KIFC3: variants seen among roughly 807,000 people sequenced by gnomAD.
The protein encoded by KIFC3 is kinesin-like protein KIFC3.
Under a neutral mutation model 101.8 loss-of-function variants are expected in KIFC3, and 60 were observed. That is an observed-to-expected ratio of 0.59 (90% CI 0.48 to 0.73). The LOEUF (loss-of-function observed/expected upper bound fraction) is 0.73, where lower values mean the gene tolerates loss of function less well. KIFC3 is among the 30% of genes least tolerant of loss of function. KIFC3 has a pLI of 0.00. For synonymous variants in KIFC3, 476 were observed against 482.7 expected (o/e 0.99, Z 0.18); for missense variants, 966 against 1,137.1 (o/e 0.85, Z 2.16).
At chr16:57,803,629 C>T (rs2054859946), upstream of KIFC3, among the ~76,000 whole-genome samples, 1 of 152,230 alleles carries the variant, frequency 6.6e-6, no homozygotes, top group Non-Finnish European at 1.5e-5. Flanking sequence ...AGCCAAGGGC[C>T]TGGGCCTCAG....
rs560838453 is a variant in KIFC3 at position 57,801,815 on chromosome 16, C to T, written c.-40+555G>A. Among the ~76,000 whole-genome samples, 10 of 152,394 alleles carry T rather than the reference C, an allele frequency of 6.6e-5. No individual in the cohort carries two copies. In the South Asian group the frequency reaches 2.1e-3, roughly 32 times the overall value. On this transcript the variant is annotated intron_variant, in intron 1 of 19. Coordinates refer to ENST00000445690, the MANE Select transcript of KIFC3 (RefSeq NM_001130100.2). ...GGGCTTAAAGGGGTGGTCCTGGGAT[C>T]GCCCTCCCTGCTGAGACCCTCACAA...
chr16:57,782,219 T>C (rs1375981902), intron 3 of KIFC3: 17 of 874,710 alleles, frequency 1.9e-5, no homozygotes, highest in Non-Finnish European at 2.3e-5. Flanking sequence ...CAAACTGCAA[T>C]GCGACATTTG....
At chr16:57,775,442 AG>A in intron 3 of KIFC3, 1 of 1,012,234 alleles carries the variant, frequency 9.9e-7, no homozygotes, top group Non-Finnish European at 1.2e-6. Flanking sequence ...TCGGGCTTGT[AG>A]GGAAGATGTC....
At chr16:57,789,268 C>T (rs1490691108) in intron 3 of KIFC3, among the ~76,000 whole-genome samples, 5 of 152,218 alleles carry the variant, frequency 3.3e-5, no homozygotes, top group African/African-American at 1.2e-4. Flanking sequence ...ACAGGGCTAT[C>T]GAGAGGCCAT....
At position 57,761,366 on chromosome 16, in the gene KIFC3, G is replaced by T. The variant is rs1314268047; in HGVS notation, c.1872+47C>A. 4 of 1,612,434 alleles carry T rather than the reference G, an allele frequency of 2.5e-6. No homozygotes were observed. The South Asian group carries it at 4.4e-5, about 18-fold the overall frequency. ...AGAGCCTACATTCAAACCCAGTTGT[G>T]TCCTCTAGAGCAGTGTGGCTGTGGT... On this transcript the variant is annotated intron_variant, in intron 14 of 19. Coordinates refer to ENST00000445690, the MANE Select transcript of KIFC3 (RefSeq NM_001130100.2).
At chr16:57,814,590 A>G (rs979725421) in intron 1 of KIFC3, among the ~76,000 whole-genome samples, 51 of 152,068 alleles carry the variant, frequency 3.4e-4, no homozygotes, top group Non-Finnish European at 2.8e-4. Context: ...AGATGAAGAA[A>G]CTGTCACTGT....
chr16:57,833,606 C>T (rs1254741923), intron 1 of KIFC3, among the ~76,000 whole-genome samples: 1 of 152,106 alleles, frequency 6.6e-6, no homozygotes, highest in South Asian at 2.1e-4. Flanking sequence ...ACCCAGAGAT[C>T]GGGACTCCCA....
rs1212529806 is a variant in KIFC3, at chr16:57,771,590, G to A, written c.478C>T (p.Leu160=). The A allele has an allele frequency of 2.5e-6, 4 of 1,613,386 alleles. No homozygotes were observed. In the African/African-American group the frequency reaches 4.0e-5, roughly 16 times the overall value. The change falls in exon 5 of 20, where the codon CTG becomes TTG. Residue 160 remains leucine, a synonymous_variant. Transcript: ENST00000445690. The stretch of plus-strand genomic sequence containing the variant: ...CAGGGACCTGCTGGCTTTGTGCGCA[G>A]CTCTTGCAGCTCGGCCTCACAGCGC... ...MRRCEAELQE[L]RTKPAGPCPG...
intron 3 of KIFC3, among the ~76,000 whole-genome samples, chr16:57,778,192 A>G (rs139702739): frequency 0.02 from 3,034 of 152,296 alleles, 118 homozygotes; most frequent in African/African-American, 0.07. Context: ...AGGCGGGCAG[A>G]TCACTTGAGC....
chr16:57,800,800 G>A (rs1212275102), intron 1 of KIFC3, among the ~76,000 whole-genome samples: 1 of 152,158 alleles, frequency 6.6e-6, no homozygotes, highest in Non-Finnish European at 1.5e-5. Flanking sequence ...TAAGCCCAGG[G>A]TTCTGGGCCA....
chr16:57,857,105 C>T (rs949225689), intron 1 of KIFC3, among the ~76,000 whole-genome samples: 1 of 152,196 alleles, frequency 6.6e-6, no homozygotes, highest in Non-Finnish European at 1.5e-5. Flanking sequence ...GCAAAAGATA[C>T]AGCAGTGCTT....
Position 57,766,991 on chromosome 16 carries a change from G to A in KIFC3, c.1219-6C>T, listed in dbSNP as rs781982279. ...TCCTCGATGGCCTGGCCTATCTGGT[G>A]GGGGGTGCACACCACTGTCAGGGGG... On this transcript the variant is annotated splice_polypyrimidine_tract_variant and splice_region_variant and intron_variant, in intron 9 of 19. Transcript: ENST00000445690. 3.7e-6 allele frequency: 6 copies of A among 1,607,176 alleles called. No homozygotes were observed. Among genetic ancestry groups the A allele is most frequent in the African/African-American group, 1.3e-5 (1 of 74,818 alleles).
chr16:57,788,973 G>A (rs565778985), intron 3 of KIFC3, among the ~76,000 whole-genome samples: 1 of 152,336 alleles, frequency 6.6e-6, no homozygotes, highest in Admixed American at 6.5e-5. Flanking sequence ...AAGGTTCTTA[G>A]GTACTTCAAG....
At chr16:57,775,557 G>C in intron 3 of KIFC3, 1 of 986,164 alleles carries the variant, frequency 1.0e-6, no homozygotes, top group Non-Finnish European at 1.2e-6. Context: ...ATGGAAGATG[G>C]CCTGGGAGCA....
chr16:57,828,879 C>T (rs1428420598), intron 1 of KIFC3, among the ~76,000 whole-genome samples: 3 of 152,096 alleles, frequency 2.0e-5, no homozygotes, highest in Admixed American at 2.0e-4. Flanking sequence ...TAACTAGATA[C>T]TAACAGCCAC....
chr16:57,779,851 A>C (rs2052520630), intron 3 of KIFC3: 2 of 152,174 alleles, frequency 1.3e-5, no homozygotes, highest in Non-Finnish European at 1.5e-5. Context: ...ATAGATAGAT[A>C]AATAAAAGAG....
intron 1 of KIFC3, among the ~76,000 whole-genome samples, chr16:57,840,198 C>G (rs1346864390): frequency 6.6e-6 from 1 of 151,922 alleles, no homozygotes; most frequent in Non-Finnish European, 1.5e-5. Flanking sequence ...ATTAACCAGG[C>G]GTGGTGGCGC....
intron 1 of KIFC3, chr16:57,810,757 T>C: frequency 9.2e-6 from 8 of 868,218 alleles, no homozygotes; most frequent in Non-Finnish European, 1.1e-5. Context: ...GCCTTTGCTT[T>C]CATTCAATCC....
At chr16:57,861,745 G>A (rs374662761) in intron 1 of KIFC3, among the ~76,000 whole-genome samples, 38 of 152,166 alleles carry the variant, frequency 2.5e-4, no homozygotes, top group African/African-American at 9.1e-4. Context: ...ATCACTTGAG[G>A]CCAGGAGTTC....
Sources: gnomAD v4.1 joint callset for allele counts (sites outside exome capture counted in the v4.1 genomes callset) on GRCh38, gnomAD v4.1.1 for gene constraint, MANE v1.5 for transcripts, NCBI Gene and HGNC (gene_info 2026-07-23, HGNC 2026-07-21) for gene names.